Variants in LAMB4 observed in about 807,000 individuals in gnomAD.
LAMB4 encodes the protein laminin subunit beta 4.
In LAMB4, 196 loss-of-function variants were observed where a neutral mutation model predicts 199.2. That is an observed-to-expected ratio of 0.98 (90% CI 0.88 to 1.11). The LOEUF (loss-of-function observed/expected upper bound fraction) is 1.11. Ranked by LOEUF, LAMB4 falls within the 50% of genes least tolerant of loss-of-function variation. The pLI, the probability that LAMB4 is intolerant of heterozygous loss-of-function variation, is 0.00. For synonymous variants in LAMB4, 744 were observed against 770.6 expected (o/e 0.97, Z 0.57); for missense variants, 2,080 against 2,171.2 (o/e 0.96, Z 0.83).
At chr7:108,035,942 C>A (rs919473691) in intron 30 of LAMB4, among the ~76,000 whole-genome samples, 1 of 151,730 alleles carries the variant, frequency 6.6e-6, no homozygotes, top group East Asian at 1.9e-4. Flanking sequence ...CAGCCTCTGC[C>A]TCCCAGGTTC....
rs765269613 is a variant in LAMB4 at position 108,048,015 on chromosome 7, C to T, written c.4219G>A (p.Gly1407Ser). Reference sequence around the variant, plus strand: ...GAGAGGGTCAGGGAGCCGTGACAGCCGGGACCCCTACACTTCCTGTGCCCC... The same window carrying T: ...GAGAGGGTCAGGGAGCCGTGACAGCTGGGACCCCTACACTTCCTGTGCCCC... Reference protein sequence around the residue: ...RKGHRKCRGPGCHGSLTLSTN... With the variant: ...RKGHRKCRGPSCHGSLTLSTN... Residue 1407 changes from glycine (G) to serine (S), a missense_variant, in exon 28 of 34, where the codon GGC (glycine) becomes AGC (serine). By Grantham distance (56) the Gly-to-Ser change is moderately conservative. Transcript: ENST00000388781. 8.7e-6 allele frequency: 14 copies of T among 1,614,058 alleles called. No homozygotes were observed. In the East Asian group the frequency reaches 1.1e-4, roughly 13 times the overall value.
At chr7:108,039,619 C>T (rs993565081) in intron 29 of LAMB4, among the ~76,000 whole-genome samples, 1 of 152,006 alleles carries the variant, frequency 6.6e-6, no homozygotes, top group African/African-American at 2.4e-5. Flanking sequence ...TAGGCACGCA[C>T]CACCACATCC....
intron 1 of LAMB4, among the ~76,000 whole-genome samples, chr7:108,126,531 G>A (rs1373885742): frequency 7.1e-6 from 1 of 140,198 alleles, no homozygotes; most frequent in African/African-American, 2.6e-5. Context: ...CATCCATGTT[G>A]TAGGATGTGT....
intron 17 of LAMB4, among the ~76,000 whole-genome samples, chr7:108,074,773 G>T (rs762297988): frequency 6.6e-6 from 1 of 152,156 alleles, no homozygotes; most frequent in Non-Finnish European, 1.5e-5. Flanking sequence ...ACTAGGCTGA[G>T]AATTATTTTT....
intron 23 of LAMB4, among the ~76,000 whole-genome samples, chr7:108,059,560 A>G (rs2036093333): frequency 6.6e-6 from 1 of 152,178 alleles, no homozygotes; most frequent in African/African-American, 2.4e-5. Context: ...TGTTTAAAAT[A>G]TGGTGCTCAG....
At chr7:108,127,479 TTAA>T (rs1436720243) in intron 1 of LAMB4, among the ~76,000 whole-genome samples, 2 of 152,346 alleles carry the variant, frequency 1.3e-5, no homozygotes, top group African/African-American at 4.8e-5. Context: ...GTCCATGGAC[TTAA>T]TAAGATAACC....
rs372158248 is a variant in LAMB4, at chr7:108,048,997, T to C, written c.4122+329A>G. Among the ~76,000 whole-genome samples, 4 of 152,340 alleles carry C rather than the reference T, an allele frequency of 2.6e-5. No homozygotes were observed. The East Asian group carries it at 5.8e-4, about 22-fold the overall frequency. ...TGAGCCACCGTGCCCAGCCTGCACT[T>C]TGTATTCTTTTGAGAGAATTAGCCT... On this transcript the variant is annotated intron_variant, in intron 27 of 33. Coordinates refer to ENST00000388781, the MANE Select transcript of LAMB4 (RefSeq NM_007356.3).
chr7:108,082,822 T>A (rs933068733), intron 14 of LAMB4, among the ~76,000 whole-genome samples: 1 of 152,114 alleles, frequency 6.6e-6, no homozygotes. Context: ...AGAGTGCCAC[T>A]CTCAAGACTT....
chr7:108,064,610 C>A (rs2036273047), intron 21 of LAMB4, among the ~76,000 whole-genome samples: 1 of 152,132 alleles, frequency 6.6e-6, no homozygotes, highest in Non-Finnish European at 1.5e-5. Flanking sequence ...TTTGGTTCAT[C>A]CCACTTGGAA....
intron 32 of LAMB4, 83 bp downstream of exon 32, chr7:108,030,723 G>T: frequency 7.6e-7 from 1 of 1,315,302 alleles, no homozygotes; most frequent in Non-Finnish European, 1.1e-6. Context: ...GATGAGAAAT[G>T]GCACAAAAAT....
chr7:108,106,142 G>T, intron 7 of LAMB4, 111 bp from the exon 8 acceptor site: 1 of 875,218 alleles, frequency 1.1e-6, no homozygotes, highest in Non-Finnish European at 1.8e-6. Flanking sequence ...TACAGGCCCG[G>T]TGTAGTGGCT....
chr7:108,125,063 G>A (rs976854991), intron 1 of LAMB4, among the ~76,000 whole-genome samples: 37 of 152,228 alleles, frequency 2.4e-4, no homozygotes, highest in Non-Finnish European at 2.2e-4. Flanking sequence ...GACTCACTGA[G>A]AAACAGTCCT....
intron 33 of LAMB4, among the ~76,000 whole-genome samples, chr7:108,028,077 C>T (rs1282123171): frequency 6.6e-6 from 1 of 152,188 alleles, no homozygotes; most frequent in Non-Finnish European, 1.5e-5. Flanking sequence ...AGCCACCGCG[C>T]CTGGCCGGTA....
intron 11 of LAMB4, among the ~76,000 whole-genome samples, chr7:108,097,211 C>T (rs2037641321): frequency 6.6e-6 from 1 of 152,060 alleles, no homozygotes; most frequent in African/African-American, 2.4e-5. Context: ...TCCACAGTTC[C>T]TTATATGGGC....
intron 14 of LAMB4, among the ~76,000 whole-genome samples, chr7:108,080,059 TGCTAATGAACTGA>T (rs1318603222): frequency 6.6e-6 from 1 of 152,224 alleles, no homozygotes; most frequent in Non-Finnish European, 1.5e-5. Context: ...GTACCCCCTG[TGCTAATGAACTGA>T]GCAAATTCCA....
At chr7:108,069,942 A>G in intron 17 of LAMB4, 57 bp from the exon 18 acceptor site, 2 of 1,381,162 alleles carry the variant, frequency 1.4e-6, no homozygotes, top group Non-Finnish European at 2.0e-6. Context: ...GTACGATTCT[A>G]CTTACATATA....
At chr7:108,028,804 G>T (rs1344634890) in intron 33 of LAMB4, among the ~76,000 whole-genome samples, 1 of 151,940 alleles carries the variant, frequency 6.6e-6, no homozygotes, top group African/African-American at 2.4e-5. Flanking sequence ...GGTGACCAAA[G>T]GAAATCTCAG....
At chr7:108,090,402 A>T (rs572272798) in intron 14 of LAMB4, among the ~76,000 whole-genome samples, 1 of 152,294 alleles carries the variant, frequency 6.6e-6, no homozygotes, top group East Asian at 1.9e-4. Context: ...ACTTGTTAAG[A>T]AAAATTCACC....
intron 24 of LAMB4, 75 bp downstream of exon 24, chr7:108,057,756 TC>T (rs2036027882): frequency 4.6e-6 from 4 of 868,804 alleles, no homozygotes; most frequent in Non-Finnish European, 7.6e-6. Flanking sequence ...AATTTAAAAT[TC>T]AGTTGGTTCA....
Sources: allele counts gnomAD v4.1 joint callset (sites outside exome capture counted in the v4.1 genomes callset), GRCh38; gene constraint gnomAD v4.1.1; transcripts MANE v1.5; gene names NCBI Gene and HGNC (gene_info 2026-07-23, HGNC 2026-07-21).